ZNF804A: variants seen among roughly 807,000 people sequenced by gnomAD.
ZNF804A encodes the protein zinc finger protein 804A.
A neutral mutation model predicts 16.5 loss-of-function variants in ZNF804A; 2 were observed. The observed-to-expected ratio is 0.12, with a 90% confidence interval of 0.05 to 0.38. The LOEUF (loss-of-function observed/expected upper bound fraction) is 0.38. ZNF804A is among the 10% of genes least tolerant of loss of function. ZNF804A has a pLI of 0.99. For missense variants in ZNF804A, 1,473 were observed against 1,390.7 expected, an observed-to-expected ratio of 1.06 and a Z score of -0.94; for synonymous variants, 534 against 489.6, an observed-to-expected ratio of 1.09 and a Z score of -1.20.
At chr2:184,649,158 C>T (rs552584284) in intron 1 of ZNF804A, among the ~76,000 whole-genome samples, 36 of 151,936 alleles carry the variant, frequency 2.4e-4, no homozygotes, top group East Asian at 1.2e-3. Context: ...CATAGAAATT[C>T]GACAACTTGA....
chr2:184,848,789 T>G (rs1257623659), intron 1 of ZNF804A, among the ~76,000 whole-genome samples: 5 of 152,030 alleles, frequency 3.3e-5, no homozygotes, highest in Admixed American at 2.0e-4. Context: ...TGCTAATAAT[T>G]GTGAGGAATT....
At chr2:184,755,149 T>C (rs1008664845) in intron 1 of ZNF804A, among the ~76,000 whole-genome samples, 1 of 151,974 alleles carries the variant, frequency 6.6e-6, no homozygotes, top group African/African-American at 2.4e-5. Context: ...TCGGAAGTTA[T>C]GTCAAAGTTA....
At chr2:184,871,699 C>T (rs1695979439) in intron 2 of ZNF804A, among the ~76,000 whole-genome samples, 1 of 151,792 alleles carries the variant, frequency 6.6e-6, no homozygotes, top group Non-Finnish European at 1.5e-5. Context: ...TTATAATGAA[C>T]ATGTAGAAAT....
Position 184,938,300 on chromosome 2 carries a change from C to G in ZNF804A, c.2904C>G (p.Ser968=). 1 of 1,614,100 alleles carries G rather than the reference C, an allele frequency of 6.2e-7. No individual in the cohort carries two copies. The highest frequency in any genetic ancestry group is 1.3e-5 in the African/African-American group (1 of 75,048). ...ERNFRQSQPK[S]YLCHYELAEA... ...ACTTTAGACAGTCACAGCCTAAATC[C>G]TATCTTTGCCATTATGAACTGGCTG... Residue 968 remains serine (S), a synonymous_variant, in exon 4 of 4, where the codon TCC becomes TCG. Coordinates refer to ENST00000302277, the MANE Select transcript of ZNF804A (RefSeq NM_194250.2).
At chr2:184,882,398 T>C (rs567571544) in intron 2 of ZNF804A, among the ~76,000 whole-genome samples, 6 of 152,060 alleles carry the variant, frequency 3.9e-5, no homozygotes, top group South Asian at 2.1e-4. Context: ...TGACAGATCA[T>C]TGAGGTACAA....
chr2:184,718,275 C>T (rs1191660085), intron 1 of ZNF804A, among the ~76,000 whole-genome samples: 1 of 152,094 alleles, frequency 6.6e-6, no homozygotes, highest in African/African-American at 2.4e-5. Context: ...CAGTCACCTC[C>T]TACTGAGTCC....
intron 1 of ZNF804A, among the ~76,000 whole-genome samples, chr2:184,601,114 A>G (rs188090215): frequency 2.4e-4 from 37 of 152,246 alleles, no homozygotes; most frequent in African/African-American, 8.2e-4. Flanking sequence ...ATTTGCACTG[A>G]CTGAAAAGAA....
chr2:184,781,841 C>T (rs946974173), intron 1 of ZNF804A, among the ~76,000 whole-genome samples: 2 of 151,796 alleles, frequency 1.3e-5, no homozygotes, highest in Non-Finnish European at 2.9e-5. Context: ...TTTTCTAGGG[C>T]TGTCATAACA....
intron 1 of ZNF804A, among the ~76,000 whole-genome samples, chr2:184,748,360 G>A (rs1407716925): frequency 1.3e-5 from 2 of 150,354 alleles, no homozygotes; most frequent in African/African-American, 2.4e-5. Context: ...ATCTTAATTT[G>A]CATTTCTCTG....
chr2:184,730,214 A>G (rs1265720779), intron 1 of ZNF804A, among the ~76,000 whole-genome samples: 1 of 152,030 alleles, frequency 6.6e-6, no homozygotes, highest in Non-Finnish European at 1.5e-5. Context: ...ACCATTTTTT[A>G]ACAGTATTTT....
At chr2:184,856,627 A>G (rs1249372276) in intron 1 of ZNF804A, among the ~76,000 whole-genome samples, 3 of 152,132 alleles carry the variant, frequency 2.0e-5, no homozygotes, top group African/African-American at 7.2e-5. Flanking sequence ...GGTGATACCA[A>G]ACAACCACAG....
chr2:184,814,011 T>G (rs1466775745), intron 1 of ZNF804A, among the ~76,000 whole-genome samples: 21 of 136,456 alleles, frequency 1.5e-4, no homozygotes, highest in African/African-American at 4.9e-4. Context: ...TTTTTTTTTT[T>G]TTTTTTTTTT....
chr2:184,719,904 T>C (rs1329263380), intron 1 of ZNF804A, among the ~76,000 whole-genome samples: 2 of 152,208 alleles, frequency 1.3e-5, no homozygotes, highest in Non-Finnish European at 2.9e-5. Context: ...CATTTTTTGG[T>C]ATCTTTTCAG....
intron 2 of ZNF804A, among the ~76,000 whole-genome samples, chr2:184,887,733 C>A (rs1684918535): frequency 6.6e-6 from 1 of 152,120 alleles, no homozygotes; most frequent in South Asian, 2.1e-4. Context: ...GAAAGACTGG[C>A]CCCCATGATT....
chr2:184,658,370 G>T lies in ZNF804A; in HGVS notation c.111+59300G>T, dbSNP rs973774436. ...AGACGCCTGTAGTCCCAGCTACTCT[G>T]GTTGAGCCAGGAGAATTGCTTGAAA... On this transcript the variant is annotated intron_variant, in intron 1 of 3. Coordinates refer to ENST00000302277, the MANE Select transcript of ZNF804A (RefSeq NM_194250.2). 3.9e-5 allele frequency among the ~76,000 whole-genome samples: 6 copies of T among 152,286 alleles called. No homozygotes were observed. The East Asian group carries it at 1.2e-3, about 29-fold the overall frequency.
In ZNF804A at chr2:184,748,321, T is replaced by C. The variant is rs1272908477; in HGVS notation, c.112-118048T>C. Among the ~76,000 whole-genome samples the C allele has an allele frequency of 2.0e-5, 3 of 151,492 alleles. No individual in the cohort carries two copies. The East Asian group carries it at 5.8e-4, about 29-fold the overall frequency. On this transcript the variant is annotated intron_variant, in intron 1 of 3. Transcript: ENST00000302277. Reference sequence around the variant, plus strand: ...TTTGACTTTTTAATAATAGCCATTGTGACTGGCATGAGATGGTTTCTCATT... The same window carrying C: ...TTTGACTTTTTAATAATAGCCATTGCGACTGGCATGAGATGGTTTCTCATT...
chr2:184,730,520 G>A (rs1285165691), intron 1 of ZNF804A, among the ~76,000 whole-genome samples: 5 of 152,030 alleles, frequency 3.3e-5, no homozygotes, highest in Non-Finnish European at 7.4e-5. Context: ...AAAATATTTT[G>A]TGCTGTATTC....
chr2:184,763,241 T>C (rs1359154737), intron 1 of ZNF804A, among the ~76,000 whole-genome samples: 1 of 152,110 alleles, frequency 6.6e-6, no homozygotes, highest in African/African-American at 2.4e-5. Flanking sequence ...ACAGAGGAGT[T>C]AAGTAAAGGT....
intron 1 of ZNF804A, among the ~76,000 whole-genome samples, chr2:184,665,576 A>G (rs1451550136): frequency 6.6e-6 from 1 of 152,232 alleles, no homozygotes; most frequent in Non-Finnish European, 1.5e-5. Flanking sequence ...TCTGGCACAG[A>G]ATAAGTGGAT....
Sources: allele counts gnomAD v4.1 joint callset (sites outside exome capture counted in the v4.1 genomes callset), GRCh38; gene constraint gnomAD v4.1.1; transcripts MANE v1.5; gene names NCBI Gene and HGNC (gene_info 2026-07-23, HGNC 2026-07-21).